The following ATXN7L1 variants were observed in gnomAD, a reference collection of about 807,000 sequenced individuals.
ATXN7L1 encodes the protein ataxin-7-like protein 1.
A neutral mutation model predicts 70.8 loss-of-function variants in ATXN7L1; 15 were observed. The ratio of observed to expected loss-of-function variants is 0.21; its 90% CI spans 0.14 to 0.33. The LOEUF (loss-of-function observed/expected upper bound fraction) is 0.33. Ranked by LOEUF, ATXN7L1 falls within the 10% of genes least tolerant of loss-of-function variation. The pLI, the probability that ATXN7L1 is intolerant of heterozygous loss-of-function variation, is 1.00. For synonymous variants in ATXN7L1, 440 were observed against 445.1 expected, an observed-to-expected ratio of 0.99 and a Z score of 0.14; for missense variants, 975 against 1,097.1, an observed-to-expected ratio of 0.89 and a Z score of 1.57.
At chr7:105,672,031 T>C (rs1160414916) in intron 3 of ATXN7L1, among the ~76,000 whole-genome samples, 1 of 152,098 alleles carries the variant, frequency 6.6e-6, no homozygotes, top group Non-Finnish European at 1.5e-5. Flanking sequence ...CTCACGCTTG[T>C]AATTCCAGCA....
intron 2 of ATXN7L1, among the ~76,000 whole-genome samples, chr7:105,808,323 G>C (rs1410719464): frequency 6.6e-6 from 1 of 152,196 alleles, no homozygotes; most frequent in East Asian, 1.9e-4. Context: ...TTTCATCAAA[G>C]GGTGCTGGGA....
intron 2 of ATXN7L1, among the ~76,000 whole-genome samples, chr7:105,842,256 T>G (rs983568299): frequency 1.3e-5 from 2 of 152,202 alleles, no homozygotes; most frequent in African/African-American, 2.4e-5. Context: ...ATTAATTATT[T>G]TAAACATTGC....
At chr7:105,819,840 G>C (rs1162904989) in intron 2 of ATXN7L1, 1 of 619,902 alleles carries the variant, frequency 1.6e-6, no homozygotes, top group African/African-American at 1.8e-5. Flanking sequence ...TGAAAAAGCG[G>C]ATGGTGGTTC....
intron 2 of ATXN7L1, among the ~76,000 whole-genome samples, chr7:105,869,086 AG>A (rs1447516330): frequency 6.6e-6 from 1 of 152,184 alleles, no homozygotes; most frequent in Non-Finnish European, 1.5e-5. Flanking sequence ...CTGCTCCATC[AG>A]TGGGCTGCAC....
chr7:105,850,337 G>A (rs1814691971), intron 2 of ATXN7L1, among the ~76,000 whole-genome samples: 1 of 152,182 alleles, frequency 6.6e-6, no homozygotes, highest in Non-Finnish European at 1.5e-5. Flanking sequence ...TGTTCCCACA[G>A]GAGAGGACCA....
chr7:105,843,360 G>C (rs1478944927), intron 2 of ATXN7L1, among the ~76,000 whole-genome samples: 1 of 152,260 alleles, frequency 6.6e-6, no homozygotes, highest in Non-Finnish European at 1.5e-5. Flanking sequence ...GAGATGCTCA[G>C]CTTGCAGACC....
At chr7:105,854,002 C>T (rs572548365) in intron 2 of ATXN7L1, among the ~76,000 whole-genome samples, 22 of 152,090 alleles carry the variant, frequency 1.4e-4, no homozygotes, top group Non-Finnish European at 2.5e-4. Flanking sequence ...GTCTAAGCAC[C>T]GACTGGCTGA....
intron 2 of ATXN7L1, among the ~76,000 whole-genome samples, chr7:105,802,050 A>C (rs529095414): frequency 6.6e-6 from 1 of 152,194 alleles, no homozygotes; most frequent in Non-Finnish European, 1.5e-5. Context: ...ATGATGTTCT[A>C]GCATTTTAAT....
chr7:105,668,910 T>C (rs922075535), intron 3 of ATXN7L1, among the ~76,000 whole-genome samples: 1 of 151,814 alleles, frequency 6.6e-6, no homozygotes, highest in Non-Finnish European at 1.5e-5. Context: ...TCTGAAAACA[T>C]ATATATATAT....
intron 3 of ATXN7L1, among the ~76,000 whole-genome samples, chr7:105,709,732 C>T (rs1287108075): frequency 6.6e-6 from 1 of 152,202 alleles, no homozygotes; most frequent in Non-Finnish European, 1.5e-5. Flanking sequence ...GCCTCCTAAG[C>T]ACTCCTGGTG....
chr7:105,671,214 C>T (rs1315211491), intron 3 of ATXN7L1, among the ~76,000 whole-genome samples: 4 of 148,164 alleles, frequency 2.7e-5, no homozygotes, highest in East Asian at 2.0e-4. Flanking sequence ...ACCCGGGAGG[C>T]GGAGGTTGCA....
chr7:105,785,219 A>C (rs1804117669), intron 3 of ATXN7L1, among the ~76,000 whole-genome samples: 1 of 152,260 alleles, frequency 6.6e-6, no homozygotes, highest in Non-Finnish European at 1.5e-5. Context: ...TAATCCCAGC[A>C]CTTTGGGAGG....
chr7:105,850,307 T>C (rs1360122116), intron 2 of ATXN7L1, among the ~76,000 whole-genome samples: 1 of 152,190 alleles, frequency 6.6e-6, no homozygotes, highest in East Asian at 1.9e-4. Flanking sequence ...GCATCGGGAA[T>C]ACAGCCTTCA....
At chr7:105,619,836 C>T (rs558010744) in intron 9 of ATXN7L1, among the ~76,000 whole-genome samples, 5 of 151,980 alleles carry the variant, frequency 3.3e-5, no homozygotes, top group Admixed American at 6.6e-5. Context: ...GGATTACAGG[C>T]GTGAATCACT....
chr7:105,786,411 C>T lies in ATXN7L1; in HGVS notation c.355+2193G>A, dbSNP rs536008919. Among the ~76,000 whole-genome samples, 15 of 152,346 alleles carry T rather than the reference C, an allele frequency of 9.8e-5. No homozygotes were observed. In the South Asian group the frequency reaches 3.1e-3, roughly 32 times the overall value. On this transcript the variant is annotated intron_variant, in intron 3 of 11. Transcript: ENST00000419735. ...TCTGGGACCTTTCCCCTGGGAAGAA[C>T]TCTGCAGGGGACAGCGGGGTCCCAT... is the stretch of plus-strand genomic sequence containing the variant.
At chr7:105,863,431 G>A (rs1459666092) in intron 2 of ATXN7L1, among the ~76,000 whole-genome samples, 1 of 152,230 alleles carries the variant, frequency 6.6e-6, no homozygotes, top group Admixed American at 6.5e-5. Context: ...AAGCTCTCTT[G>A]GCCAAGGATG....
intron 2 of ATXN7L1, among the ~76,000 whole-genome samples, chr7:105,836,259 A>G (rs564597046): frequency 6.6e-6 from 1 of 152,330 alleles, no homozygotes; most frequent in Admixed American, 6.5e-5. Flanking sequence ...GGAGGTTTCT[A>G]TCATGTTCAA....
intron 2 of ATXN7L1, among the ~76,000 whole-genome samples, chr7:105,817,677 G>A (rs1042887194): frequency 6.6e-6 from 1 of 152,192 alleles, no homozygotes; most frequent in Non-Finnish European, 1.5e-5. Flanking sequence ...AGCACTTTGG[G>A]AGGCTGAGGC....
At chr7:105,873,204 T>C (rs1463713803) in intron 2 of ATXN7L1, among the ~76,000 whole-genome samples, 1 of 152,056 alleles carries the variant, frequency 6.6e-6, no homozygotes, top group Non-Finnish European at 1.5e-5. Context: ...ACAACAAAAA[T>C]CGGAACCACT....
Sources: gnomAD v4.1 joint callset for allele counts (sites outside exome capture counted in the v4.1 genomes callset) on GRCh38, gnomAD v4.1.1 for gene constraint, MANE v1.5 for transcripts, NCBI Gene and HGNC (gene_info 2026-07-23, HGNC 2026-07-21) for gene names.